Variants in ATP8B4 observed in about 807,000 individuals in gnomAD.
The protein encoded by ATP8B4 is probable phospholipid-transporting ATPase IM.
In ATP8B4, 133 loss-of-function variants were observed where a neutral mutation model predicts 145.6. That is an observed-to-expected ratio of 0.91 (90% CI 0.79 to 1.05). The LOEUF (loss-of-function observed/expected upper bound fraction) is 1.05, where lower values mean the gene tolerates loss of function less well. Among genes scored for constraint, ATP8B4 ranks in the 50% least tolerant of loss-of-function variants. The pLI is 0.00. For missense variants in ATP8B4, 1,458 were observed against 1,425.2 expected (o/e 1.02, Z -0.37); for synonymous variants, 507 against 492.9 (o/e 1.03, Z -0.38).
chr15:50,085,987 CATA>C (rs2054980502), intron 2 of ATP8B4, among the ~76,000 whole-genome samples: 1 of 41,766 alleles, frequency 2.4e-5, no homozygotes, highest in Admixed American at 3.1e-4. Context: ...TCAAATATAT[CATA>C]TATATTTATT....
intron 13 of ATP8B4, among the ~76,000 whole-genome samples, chr15:49,964,010 G>T (rs1328358857): frequency 1.3e-5 from 2 of 152,146 alleles, no homozygotes; most frequent in African/African-American, 4.8e-5. Flanking sequence ...CTGTTTTATG[G>T]ATAAGGGAAC....
At chr15:50,075,055 T>G (rs1399363873) in intron 2 of ATP8B4, among the ~76,000 whole-genome samples, 1 of 152,160 alleles carries the variant, frequency 6.6e-6, no homozygotes, top group Non-Finnish European at 1.5e-5. Context: ...TTAAATTCCC[T>G]TAATCCCATA....
At chr15:50,082,395 A>G (rs1386823798) in intron 2 of ATP8B4, among the ~76,000 whole-genome samples, 3 of 152,130 alleles carry the variant, frequency 2.0e-5, no homozygotes, top group African/African-American at 4.8e-5. Context: ...CCTTCCCACA[A>G]TTTTTTTACG....
chr15:50,056,716 T>TACAC (rs72305360), intron 3 of ATP8B4, among the ~76,000 whole-genome samples: 52 of 145,980 alleles, frequency 3.6e-4, no homozygotes, highest in African/African-American at 5.6e-4. Flanking sequence ...TATATATATA[T>TACAC]ACACACACAC....
At chr15:49,914,467 T>C (rs1026286970) in intron 20 of ATP8B4, among the ~76,000 whole-genome samples, 21 of 151,850 alleles carry the variant, frequency 1.4e-4, no homozygotes, top group Non-Finnish European at 2.4e-4. Context: ...AACAAAAACA[T>C]AGGCAAGTGA....
At chr15:50,057,340 G>A (rs1349263260) in intron 3 of ATP8B4, among the ~76,000 whole-genome samples, 1 of 152,154 alleles carries the variant, frequency 6.6e-6, no homozygotes, top group Admixed American at 6.5e-5. Flanking sequence ...GGAAACTGAG[G>A]CTTTGAACAG....
At chr15:49,877,059 T>C (rs2034561742) in intron 24 of ATP8B4, among the ~76,000 whole-genome samples, 1 of 152,156 alleles carries the variant, frequency 6.6e-6, no homozygotes, top group South Asian at 2.1e-4. Flanking sequence ...CATTTGGGAT[T>C]CCAGGTGAGA....
chr15:50,030,434 TA>T (rs1024454214), intron 6 of ATP8B4, among the ~76,000 whole-genome samples: 100 of 152,164 alleles, frequency 6.6e-4, no homozygotes, highest in African/African-American at 2.4e-3. Context: ...CTTTGTGTAA[TA>T]GGGGGGAGAT....
Position 49,876,523 on chromosome 15 carries a change from C to G in ATP8B4, c.2782G>C (p.Asp928His). Residue 928 changes from aspartate (D) to histidine (H), a missense_variant and splice_region_variant, in exon 25 of 28, where the codon GAT becomes CAT. Asp to His is a moderately conservative substitution (Grantham distance 81). Transcript: ENST00000284509. ...PVLAMGIFDQDVSDQNSVDCP... is the reference protein window; with the variant it reads ...PVLAMGIFDQHVSDQNSVDCP... ...TCCACGCTGTTCTGGTCACTCACAT[C>G]CTGTAAACAGAGTGTAATTTCAGTG... 1 of 1,613,820 alleles carries G rather than the reference C, an allele frequency of 6.2e-7. No homozygotes were observed. The highest frequency in any genetic ancestry group is 8.5e-7 in the Non-Finnish European group (1 of 1,179,796).
At chr15:49,905,660 C>T (rs1203467023) in intron 20 of ATP8B4, among the ~76,000 whole-genome samples, 1 of 152,006 alleles carries the variant, frequency 6.6e-6, no homozygotes, top group African/African-American at 2.4e-5. Flanking sequence ...GCAAGGTGGC[C>T]CCAAGGCTCC....
At chr15:50,023,780 A>T (rs2049778076) in intron 6 of ATP8B4, among the ~76,000 whole-genome samples, 1 of 26,624 alleles carries the variant, frequency 3.8e-5, no homozygotes, top group Non-Finnish European at 5.3e-5. Flanking sequence ...GACCAAAGGC[A>T]AAAAAAAAAA....
Position 49,901,256 on chromosome 15 carries a change from A to C in ATP8B4, c.2142-17T>G. ...TTTGCTTTCCTTAAAGGAGAGGGTGAAAAGTGAAACATAACAAAGCATACA... is the reference window on the plus strand; with the variant it reads ...TTTGCTTTCCTTAAAGGAGAGGGTGCAAAGTGAAACATAACAAAGCATACA... On this transcript the variant is annotated splice_polypyrimidine_tract_variant and intron_variant, in intron 20 of 27. Coordinates refer to ENST00000284509, the MANE Select transcript of ATP8B4 (RefSeq NM_024837.4). The C allele has an allele frequency of 6.2e-7, 1 of 1,611,232 alleles. No homozygotes were observed. The highest frequency in any genetic ancestry group is 8.5e-7 in the Non-Finnish European group (1 of 1,178,134).
At chr15:49,943,716 A>G (rs2042346369) in intron 14 of ATP8B4, among the ~76,000 whole-genome samples, 1 of 152,222 alleles carries the variant, frequency 6.6e-6, no homozygotes, top group Non-Finnish European at 1.5e-5. Context: ...AGAAATGCCA[A>G]AGGGAGTCTT....
intron 13 of ATP8B4, 31 bp from the exon 14 acceptor site, chr15:49,962,051 A>T: frequency 6.5e-7 from 1 of 1,528,642 alleles, no homozygotes; most frequent in African/African-American, 1.4e-5. Flanking sequence ...AATTAAAAGT[A>T]AGTGAAACCG....
intron 2 of ATP8B4, among the ~76,000 whole-genome samples, chr15:50,075,320 C>T (rs2054105794): frequency 6.6e-6 from 1 of 152,122 alleles, no homozygotes; most frequent in African/African-American, 2.4e-5. Flanking sequence ...CAGCACCCAC[C>T]TCTTGCATGC....
chr15:49,927,618 C>A (rs1364839896), intron 16 of ATP8B4, among the ~76,000 whole-genome samples: 2 of 152,096 alleles, frequency 1.3e-5, no homozygotes, highest in Non-Finnish European at 2.9e-5. Context: ...GGTTAGGCTG[C>A]AATTTCTCCA....
chr15:49,953,107 C>G (rs538055768), intron 14 of ATP8B4, among the ~76,000 whole-genome samples: 4 of 152,046 alleles, frequency 2.6e-5, no homozygotes, highest in Non-Finnish European at 5.9e-5. Flanking sequence ...CCTCTGACCT[C>G]GAGGGGCACC....
chr15:50,177,750 T>G (rs1488258760), intron 1 of ATP8B4, among the ~76,000 whole-genome samples: 1 of 152,214 alleles, frequency 6.6e-6, no homozygotes, highest in Non-Finnish European at 1.5e-5. Context: ...ACCTGGTAAC[T>G]TCTTAGAGAT....
intron 15 of ATP8B4, among the ~76,000 whole-genome samples, chr15:49,933,749 G>T (rs2041479936): frequency 6.6e-6 from 1 of 151,968 alleles, no homozygotes; most frequent in Admixed American, 6.6e-5. Flanking sequence ...TAGCATATTT[G>T]GGTCCTCACT....
Sources: gnomAD v4.1 joint callset for allele counts (sites outside exome capture counted in the v4.1 genomes callset) on GRCh38, gnomAD v4.1.1 for gene constraint, MANE v1.5 for transcripts, NCBI Gene and HGNC (gene_info 2026-07-23, HGNC 2026-07-21) for gene names.